Variants in KIAA2012 observed in about 807,000 individuals in gnomAD.
KIAA2012 encodes the protein KIAA2012, also known as uncharacterized protein KIAA2012.
A neutral mutation model predicts 150.6 loss-of-function variants in KIAA2012; 125 were observed. That is an observed-to-expected ratio of 0.83 (90% confidence interval 0.72 to 0.96). The LOEUF (loss-of-function observed/expected upper bound fraction) is 0.96, where lower values mean the gene tolerates loss of function less well. Ranked by LOEUF, KIAA2012 falls within the 40% of genes least tolerant of loss-of-function variation. KIAA2012 has a pLI of 0.00. For missense variants in KIAA2012, 1,219 were observed against 1,354.9 expected (o/e 0.90, Z 1.57); for synonymous variants, 462 against 504.7 (o/e 0.92, Z 1.13).
intron 22 of KIAA2012, among the ~76,000 whole-genome samples, chr2:202,198,518 A>G (rs2105754642): frequency 6.6e-6 from 1 of 152,330 alleles, no homozygotes; most frequent in African/African-American, 2.4e-5. Context: ...AATCAAAGTT[A>G]TCCAGGGCCA....
intron 3 of KIAA2012, among the ~76,000 whole-genome samples, chr2:202,091,661 T>TA (rs1229375022): frequency 6.6e-6 from 1 of 152,118 alleles, no homozygotes; most frequent in Non-Finnish European, 1.5e-5. Flanking sequence ...GTACTTCTAC[T>TA]AAAAAAAATT....
chr2:202,165,144 TA>T, intron 14 of KIAA2012, 139 bp from the exon 15 acceptor site: 2 of 738,868 alleles, frequency 2.7e-6, no homozygotes, highest in Non-Finnish European at 4.4e-6. Flanking sequence ...GAGACTTAAG[TA>T]AAAAGTTGAC....
At chr2:202,199,559 G>C (rs994452739) in intron 22 of KIAA2012, among the ~76,000 whole-genome samples, 5 of 152,144 alleles carry the variant, frequency 3.3e-5, no homozygotes, top group African/African-American at 1.2e-4. Context: ...GACATACAAT[G>C]CTGAACTTCC....
intron 2 of KIAA2012, among the ~76,000 whole-genome samples, chr2:202,082,814 C>T (rs1387957633): frequency 6.7e-6 from 1 of 148,604 alleles, no homozygotes; most frequent in South Asian, 2.1e-4. Flanking sequence ...TTTGAATTAA[C>T]TTTTGTAAAT....
At chr2:202,160,325 T>G (rs1223752455) in intron 14 of KIAA2012, among the ~76,000 whole-genome samples, 1 of 149,146 alleles carries the variant, frequency 6.7e-6, no homozygotes, top group African/African-American at 2.5e-5. Context: ...TTTTTTTTTT[T>G]TTTTTTGAGA....
At position 202,190,357 on chromosome 2, in the gene KIAA2012, A is replaced by G; in HGVS notation, c.2675A>G (p.Asp892Gly). 3.2e-6 allele frequency: 5 copies of G among 1,550,582 alleles called. No individual in the cohort carries two copies. The highest frequency in any genetic ancestry group is 4.4e-6 in the Non-Finnish European group (5 of 1,146,986). Residue 892 changes from aspartate to glycine, a missense_variant, in exon 19 of 24, where the codon GAC becomes GGC. By Grantham distance (94) the Asp-to-Gly change is moderately conservative (BLOSUM62 -1). Coordinates refer to ENST00000498697, the MANE Select transcript of KIAA2012 (RefSeq NM_001277372.4). ...TTTGCCTCAGACTCCTTTGTAGAGG[A>G]CCCTTGGCTTTCTCCCAAATATGAT... ...GSFASDSFVEDPWLSPKYDAQ... is the reference protein window; with the variant it reads ...GSFASDSFVEGPWLSPKYDAQ...
At chr2:202,112,821 T>C (rs1244730705) in intron 10 of KIAA2012, among the ~76,000 whole-genome samples, 1 of 152,202 alleles carries the variant, frequency 6.6e-6, no homozygotes, top group African/African-American at 2.4e-5. Context: ...TCTTTCTAAG[T>C]AACTAGGGAG....
chr2:202,155,079 C>T (rs1438236647), intron 14 of KIAA2012, among the ~76,000 whole-genome samples: 2 of 152,140 alleles, frequency 1.3e-5, no homozygotes, highest in African/African-American at 2.4e-5. Flanking sequence ...AACTTTAAAC[C>T]ACCTCATAAA....
chr2:202,188,433 A>C (rs1692270795), intron 18 of KIAA2012, among the ~76,000 whole-genome samples, 167 bp downstream of exon 18: 1 of 152,174 alleles, frequency 6.6e-6, no homozygotes, highest in Non-Finnish European at 1.5e-5. Context: ...TCAGTATCTT[A>C]ATAGACAGAG....
chr2:202,115,875 T>C (rs897035430), intron 11 of KIAA2012: 2 of 151,658 alleles, frequency 1.3e-5, no homozygotes, highest in Non-Finnish European at 2.9e-5. Flanking sequence ...GGTATCTTCT[T>C]TCAGACAGCA....
intron 11 of KIAA2012, among the ~76,000 whole-genome samples, chr2:202,124,009 T>C (rs1690716310): frequency 6.6e-6 from 1 of 152,116 alleles, no homozygotes; most frequent in Admixed American, 6.6e-5. Context: ...GCCAACATGG[T>C]GAAACCCTGT....
chr2:202,158,226 C>A (rs909027624), intron 14 of KIAA2012, among the ~76,000 whole-genome samples: 3 of 152,170 alleles, frequency 2.0e-5, no homozygotes, highest in East Asian at 3.9e-4. Context: ...CATCTCCTGA[C>A]CTCGCAATCC....
At chr2:202,198,375 C>T (rs757692697) in intron 22 of KIAA2012, among the ~76,000 whole-genome samples, 4 of 151,946 alleles carry the variant, frequency 2.6e-5, no homozygotes, top group East Asian at 3.9e-4. Context: ...ATGAGACTGG[C>T]ATGTTGGAAG....
chr2:202,147,210 A>G (rs1691319753), intron 13 of KIAA2012, among the ~76,000 whole-genome samples: 1 of 152,294 alleles, frequency 6.6e-6, no homozygotes, highest in South Asian at 2.1e-4. Flanking sequence ...CTGCCTCCCA[A>G]ATATCCTCCA....
At chr2:202,165,709 G>A (rs1486468443) in intron 15 of KIAA2012, among the ~76,000 whole-genome samples, 3 of 151,938 alleles carry the variant, frequency 2.0e-5, no homozygotes, top group Non-Finnish European at 2.9e-5. Flanking sequence ...CAACAACAGC[G>A]AAACTCCATC....
chr2:202,195,187 C>T (rs1156417035), intron 21 of KIAA2012, among the ~76,000 whole-genome samples: 1 of 152,082 alleles, frequency 6.6e-6, no homozygotes, highest in African/African-American at 2.4e-5. Flanking sequence ...ATATCCATCA[C>T]TTCAAACATT....
chr2:202,093,790 C>T (rs948120697), intron 4 of KIAA2012, among the ~76,000 whole-genome samples: 2 of 152,074 alleles, frequency 1.3e-5, no homozygotes, highest in Admixed American at 1.3e-4. Context: ...TATTGCAAGC[C>T]GTCTGTAAAC....
intron 15 of KIAA2012, chr2:202,179,715 G>A: frequency 4.5e-6 from 3 of 661,064 alleles, no homozygotes; most frequent in South Asian, 4.1e-5. Context: ...GTTGGAATGA[G>A]GGACAACCAT....
chr2:202,074,760 T>TC, intron 1 of KIAA2012, 131 bp from the exon 2 acceptor site: 3 of 920,796 alleles, frequency 3.3e-6, no homozygotes, highest in Non-Finnish European at 3.2e-6. Context: ...GCAATTGTGT[T>TC]CCATAACACC....
Sources: gnomAD v4.1 joint callset for allele counts (sites outside exome capture counted in the v4.1 genomes callset) on GRCh38, gnomAD v4.1.1 for gene constraint, MANE v1.5 for transcripts, NCBI Gene and HGNC (gene_info 2026-07-23, HGNC 2026-07-21) for gene names.